The following MAST4 variants were observed in gnomAD, a reference collection of about 807,000 sequenced individuals.
MAST4 encodes the protein microtubule-associated serine/threonine-protein kinase 4.
Under a neutral mutation model 162.7 loss-of-function variants are expected in MAST4, and 89 were observed. The ratio of observed to expected loss-of-function variants is 0.55; its 90% CI spans 0.46 to 0.65. The LOEUF (loss-of-function observed/expected upper bound fraction) is 0.65. Ranked by LOEUF, MAST4 falls within the 30% of genes least tolerant of loss-of-function variation. The pLI, the probability that MAST4 is intolerant of heterozygous loss-of-function variation, is 0.00. For synonymous variants in MAST4, 1,479 were observed against 1,361.1 expected (o/e 1.09, Z -1.91); for missense variants, 3,153 against 3,374.0 (o/e 0.93, Z 1.62).
intron 5 of MAST4, among the ~76,000 whole-genome samples, chr5:67,081,103 A>T (rs1762606884): frequency 7.1e-6 from 1 of 141,044 alleles, no homozygotes; most frequent in Non-Finnish European, 1.5e-5. Context: ...ATATAATTGT[A>T]TATATTATAT....
chr5:66,919,223 G>T (rs1438042034), intron 4 of MAST4, among the ~76,000 whole-genome samples: 1 of 151,692 alleles, frequency 6.6e-6, no homozygotes, highest in Non-Finnish European at 1.5e-5. Flanking sequence ...GAATATTAAA[G>T]ATGATAATTA....
chr5:66,782,553 A>G (rs1423222234), intron 2 of MAST4, among the ~76,000 whole-genome samples: 2 of 152,194 alleles, frequency 1.3e-5, no homozygotes, highest in South Asian at 2.1e-4. Context: ...AATCCGTCCA[A>G]CTGATTCCAG....
chr5:66,944,480 A>G (rs1173944925), intron 4 of MAST4, among the ~76,000 whole-genome samples: 1 of 152,174 alleles, frequency 6.6e-6, no homozygotes, highest in Non-Finnish European at 1.5e-5. Context: ...TTCTTTCTAA[A>G]TAAGACTTTC....
At chr5:66,656,406 A>G (rs1746549703) in intron 1 of MAST4, among the ~76,000 whole-genome samples, 1 of 152,156 alleles carries the variant, frequency 6.6e-6, no homozygotes, top group South Asian at 2.1e-4. Context: ...ATTAAATTCT[A>G]CATTTAACCC....
At chr5:67,054,346 T>C in intron 4 of MAST4, 58 bp from the exon 5 acceptor site, 1 of 1,434,576 alleles carries the variant, frequency 7.0e-7, no homozygotes, top group Non-Finnish European at 9.5e-7. Flanking sequence ...GGGAACATGG[T>C]TGAACATTAT....
chr5:66,821,221 G>A (rs1756979102), intron 3 of MAST4, among the ~76,000 whole-genome samples: 1 of 152,224 alleles, frequency 6.6e-6, no homozygotes, highest in African/African-American at 2.4e-5. Flanking sequence ...TACTTTCCCT[G>A]GAAGGCAGAC....
intron 4 of MAST4, among the ~76,000 whole-genome samples, chr5:67,049,174 C>T (rs997741071): frequency 6.6e-6 from 1 of 150,660 alleles, no homozygotes. Context: ...GCTTGGACTT[C>T]AGAGAGTACA....
chr5:67,107,814 G>C (rs1047572973), intron 10 of MAST4, among the ~76,000 whole-genome samples: 4 of 152,160 alleles, frequency 2.6e-5, no homozygotes, highest in Non-Finnish European at 5.9e-5. Flanking sequence ...TTTGCACTTA[G>C]AGAAGTTTAG....
intron 1 of MAST4, among the ~76,000 whole-genome samples, chr5:66,696,732 C>G (rs564444949): frequency 7.0e-5 from 10 of 142,298 alleles, no homozygotes; most frequent in Non-Finnish European, 1.5e-5. Flanking sequence ...ATAATAATAC[C>G]GAGATATCAT....
At chr5:66,758,254 T>G (rs1753663325) in intron 1 of MAST4, among the ~76,000 whole-genome samples, 1 of 152,030 alleles carries the variant, frequency 6.6e-6, no homozygotes, top group Non-Finnish European at 1.5e-5. Flanking sequence ...AATACAGTTA[T>G]GCTTAGGGGA....
intron 4 of MAST4, among the ~76,000 whole-genome samples, chr5:66,981,248 AT>A (rs1284734412): frequency 6.6e-6 from 1 of 152,186 alleles, no homozygotes; most frequent in Admixed American, 6.5e-5. Flanking sequence ...GATTTGATGA[AT>A]ACAGCTATTT....
chr5:67,089,477 G>T (rs1041930272), intron 5 of MAST4, among the ~76,000 whole-genome samples: 11 of 152,176 alleles, frequency 7.2e-5, no homozygotes, highest in Non-Finnish European at 1.5e-4. Flanking sequence ...GCTTTTTGAG[G>T]CTGCCTGGCC....
At position 67,163,397 on chromosome 5, in the gene MAST4, T is replaced by TTCCAAGA; in HGVS notation, c.4221_4227dup (p.Ala1410GlnfsTer50). The TTCCAAGA allele has an allele frequency of 6.2e-7, 1 of 1,612,650 alleles. No homozygotes were observed. Among genetic ancestry groups the TTCCAAGA allele is most frequent in the Non-Finnish European group, 8.5e-7 (1 of 1,179,866 alleles). On this transcript the variant is annotated frameshift_variant, in exon 29 of 29. Coordinates refer to ENST00000403625, the MANE Select transcript of MAST4 (RefSeq NM_001164664.2). LOFTEE classifies it low-confidence loss of function (END_TRUNC). The surrounding 1 kb of genome is among the most constrained non-coding windows in gnomAD (Gnocchi z 7.0). ...CTCTTCTGGGACACTCACTGGGCAATTCCAAGATCGCGCAAGCCTTTCCCA... is the reference window on the plus strand; with the variant it reads ...CTCTTCTGGGACACTCACTGGGCAATTCCAAGATCCAAGATCGCGCAAGCCTTTCCCA...
chr5:66,768,161 G>A (rs1381181902), intron 2 of MAST4, among the ~76,000 whole-genome samples: 1 of 152,192 alleles, frequency 6.6e-6, no homozygotes, highest in Non-Finnish European at 1.5e-5. Context: ...TGCAATGAAA[G>A]GGACTAGAAA....
chr5:66,852,754 G>C (rs1385243293), intron 3 of MAST4, among the ~76,000 whole-genome samples: 1 of 152,102 alleles, frequency 6.6e-6, no homozygotes, highest in Non-Finnish European at 1.5e-5. Flanking sequence ...TTGTGTCAGT[G>C]GGTTTAAGTA....
At chr5:66,760,461 A>G (rs1359971575) in intron 2 of MAST4, among the ~76,000 whole-genome samples, 2 of 152,078 alleles carry the variant, frequency 1.3e-5, no homozygotes, top group Non-Finnish European at 2.9e-5. Flanking sequence ...TTGCAAATTT[A>G]TACCTCAGTT....
At chr5:66,624,144 A>ATGTTTT (rs1561220551) in intron 1 of MAST4, among the ~76,000 whole-genome samples, 11 of 81,806 alleles carry the variant, frequency 1.3e-4, no homozygotes, top group Admixed American at 1.2e-3. Flanking sequence ...TATTGTTAAA[A>ATGTTTT]TGTTTTTTTT....
chr5:67,078,925 T>TATAATATATATATATATA (rs1561622318), intron 5 of MAST4, among the ~76,000 whole-genome samples: 1 of 86,288 alleles, frequency 1.2e-5, no homozygotes, highest in Non-Finnish European at 2.0e-5. Context: ...TATATATATA[T>TATAATATATATATATATA]ATATATATAT....
chr5:66,930,032 G>A (rs1414832714), intron 4 of MAST4, among the ~76,000 whole-genome samples: 1 of 152,128 alleles, frequency 6.6e-6, no homozygotes, highest in Non-Finnish European at 1.5e-5. Flanking sequence ...TCCTGTAGAT[G>A]ATATAGTATG....
Sources: allele counts gnomAD v4.1 joint callset (sites outside exome capture counted in the v4.1 genomes callset), GRCh38; gene constraint gnomAD v4.1.1; non-coding constraint Gnocchi (gnomAD v3.1); transcripts MANE v1.5; gene names NCBI Gene and HGNC (gene_info 2026-07-23, HGNC 2026-07-21).